The following CPNE9 variants were observed in gnomAD, a reference collection of about 807,000 sequenced individuals.
CPNE9 encodes copine family member 9.
A neutral mutation model predicts 83.0 loss-of-function variants in CPNE9; 59 were observed. That is an observed-to-expected ratio of 0.71 (90% CI 0.58 to 0.88). CPNE9 has a LOEUF of 0.88. Among genes scored for constraint, CPNE9 ranks in the 40% least tolerant of loss-of-function variants. The pLI is 0.00. For missense variants in CPNE9, 619 were observed against 720.8 expected (o/e 0.86, Z 1.62); for synonymous variants, 256 against 273.4 (o/e 0.94, Z 0.63).
rs968525098 is a variant in CPNE9, at chr3:9,715,193, A to G, written c.693-96A>G. The G allele has an allele frequency of 5.1e-6, 7 of 1,368,766 alleles. No homozygotes were observed. The Admixed American group carries it at 1.1e-4, about 21-fold the overall frequency. The allele number at this position is 1,368,766 out of a possible 1,614,324, so 84.8% of individuals were successfully genotyped here. The stretch of plus-strand genomic sequence containing the variant: ...CCAGCACTAGGCTGCCCTGCAGCCT[A>G]AGTAGGGGCTTAGGATAGGAGGAAT... On this transcript the variant is annotated intron_variant, in intron 11 of 20. Transcript: ENST00000383832.
intron 7 of CPNE9, among the ~76,000 whole-genome samples, chr3:9,707,662 G>C (rs764998495): frequency 4.0e-5 from 6 of 151,376 alleles, no homozygotes; most frequent in Non-Finnish European, 5.9e-5. Flanking sequence ...GTGTGCACTT[G>C]TAGTCCCAGC....
chr3:9,709,189 T>A (rs1234147789), intron 7 of CPNE9, among the ~76,000 whole-genome samples: 16 of 143,210 alleles, frequency 1.1e-4, no homozygotes, highest in Admixed American at 8.4e-4. Context: ...GGCAGTAAAA[T>A]CGCCTGAACC....
In CPNE9 at chr3:9,715,737, GA is replaced by G. The variant is rs551221635; in HGVS notation, c.822+218del. Among the ~76,000 whole-genome samples the G allele has an allele frequency of 2.6e-5, 4 of 152,102 alleles. 1 individual carries two copies. In the East Asian group the frequency reaches 5.8e-4, roughly 22 times the overall value. On this transcript the variant is annotated intron_variant, in intron 13 of 20. Coordinates refer to ENST00000383832, the MANE Select transcript of CPNE9 (RefSeq NM_153635.3). The stretch of plus-strand genomic sequence containing the variant: ...GACTTCACTCTTTTGCAGAATAAAA[GA>G]AAAAAACCTAAGTTGTATTTCCCAA...
intron 7 of CPNE9, among the ~76,000 whole-genome samples, chr3:9,712,057 A>G (rs531462366): frequency 1.3e-5 from 2 of 152,266 alleles, no homozygotes; most frequent in South Asian, 4.1e-4. Flanking sequence ...TGCCCAATTC[A>G]TATCTATCAC....
In CPNE9 at chr3:9,716,053, C is replaced by A; in HGVS notation, c.884+18C>A. ...AAGGGAGGGTGAGTCACAGGCCAAG[C>A]TCTGGGCTGAAAGCCCGGCAATAAA... is the stretch of plus-strand genomic sequence containing the variant. On this transcript the variant is annotated intron_variant, in intron 14 of 20. Coordinates refer to ENST00000383832, the MANE Select transcript of CPNE9 (RefSeq NM_153635.3). 1 of 1,602,138 alleles carries A rather than the reference C, an allele frequency of 6.2e-7. No individual in the cohort carries two copies. Among genetic ancestry groups the A allele is most frequent in the Non-Finnish European group, 8.5e-7 (1 of 1,173,066 alleles).
intron 17 of CPNE9, among the ~76,000 whole-genome samples, chr3:9,721,400 CCT>C (rs1392684981): frequency 6.6e-6 from 1 of 152,118 alleles, no homozygotes; most frequent in Non-Finnish European, 1.5e-5. Flanking sequence ...ACATTGCATC[CCT>C]GTTTAATTTA....
chr3:9,711,496 C>T (rs1372172647), intron 7 of CPNE9, among the ~76,000 whole-genome samples: 4 of 152,124 alleles, frequency 2.6e-5, no homozygotes, highest in Non-Finnish European at 5.9e-5. Flanking sequence ...GGATTATAGG[C>T]GTGAGCCATC....
intron 17 of CPNE9, among the ~76,000 whole-genome samples, chr3:9,719,052 G>C (rs866065008): frequency 2.0e-4 from 31 of 151,546 alleles, no homozygotes; most frequent in Middle Eastern, 6.8e-3. Flanking sequence ...GGCCAGGCTG[G>C]TCTTGAACTC....
At chr3:9,716,557 G>A (rs970443503) in intron 14 of CPNE9, among the ~76,000 whole-genome samples, 9 of 151,700 alleles carry the variant, frequency 5.9e-5, no homozygotes, top group South Asian at 2.1e-4. Flanking sequence ...TGCAACCTCC[G>A]CCTCCCAGGT....
intron 7 of CPNE9, among the ~76,000 whole-genome samples, chr3:9,708,535 T>C (rs886664002): frequency 6.6e-6 from 1 of 152,214 alleles, no homozygotes; most frequent in Non-Finnish European, 1.5e-5. Flanking sequence ...AGATTGGGAA[T>C]TGGCCATTGC....
In CPNE9 at chr3:9,729,500, G is replaced by C; in HGVS notation, c.1477-7G>C. ...GGCTTATCTCTTCTTGTCTGTGCCT[G>C]ACCCAGTTCGTCCCATTCCGAGACT... On this transcript the variant is annotated splice_polypyrimidine_tract_variant and splice_region_variant and intron_variant, in intron 20 of 20. Coordinates refer to ENST00000383832, the MANE Select transcript of CPNE9 (RefSeq NM_153635.3). 1 of 1,608,120 alleles carries C rather than the reference G, an allele frequency of 6.2e-7. No homozygotes were observed. Among genetic ancestry groups the C allele is most frequent in the East Asian group, 2.2e-5 (1 of 44,718 alleles).
intron 7 of CPNE9, among the ~76,000 whole-genome samples, chr3:9,708,179 T>C (rs1445264176): frequency 6.6e-6 from 1 of 152,238 alleles, no homozygotes; most frequent in East Asian, 1.9e-4. Context: ...CTTGAACTCC[T>C]GACATCAAGT....
chr3:9,725,774 T>C (rs1039978561), intron 17 of CPNE9, among the ~76,000 whole-genome samples, 175 bp from the exon 18 acceptor site: 12 of 151,616 alleles, frequency 7.9e-5, no homozygotes, highest in Non-Finnish European at 1.5e-4. Flanking sequence ...TATGGATATA[T>C]ACACATATAT....
At chr3:9,707,791 C>CAAAA (rs57310594) in intron 7 of CPNE9, among the ~76,000 whole-genome samples, 7 of 49,672 alleles carry the variant, frequency 1.4e-4, no homozygotes, top group East Asian at 1.8e-3. Context: ...ACAAAAAAGA[C>CAAAA]AAAAAAAAAA....
Position 9,729,767 on chromosome 3 carries a change from T to C in CPNE9, c.*75T>C. The C allele has an allele frequency of 6.7e-7, 1 of 1,499,798 alleles. No homozygotes were observed. Among genetic ancestry groups the C allele is most frequent in the Non-Finnish European group, 8.9e-7 (1 of 1,119,978 alleles). 92.9% of individuals were successfully genotyped at this position (1,499,798 alleles called of 1,614,324 possible). On this transcript the variant is annotated 3_prime_UTR_variant, in exon 21 of 21. Transcript: ENST00000383832. Reference sequence around the variant, plus strand: ...GCTTCTGCTTTAAGCCAGAGGCACCTGGAACCCTGGACTTCACTGGGAGGG... The same window carrying C: ...GCTTCTGCTTTAAGCCAGAGGCACCCGGAACCCTGGACTTCACTGGGAGGG...
At position 9,712,780 on chromosome 3, in the gene CPNE9, G is replaced by A; in HGVS notation, c.497G>A (p.Gly166Glu). 1 of 1,614,126 alleles carries A rather than the reference G, an allele frequency of 6.2e-7. No homozygotes were observed. Among genetic ancestry groups the A allele is most frequent in the South Asian group, 1.1e-5 (1 of 91,080 alleles). Reference protein sequence around the residue: ...ANKLDKKDFFGKSDPFLVFYR... With the variant: ...ANKLDKKDFFEKSDPFLVFYR... ...AAGCTGGACAAGAAGGACTTCTTTG[G>A]GAAATCAGACCCCTTCCTTGTGTTC... The change falls in exon 9 of 21, where the codon GGG becomes GAG. Residue 166 changes from glycine (G) to glutamate (E), a missense_variant. Gly to Glu is a moderately conservative substitution (Grantham distance 98). This residue lies in a region of CPNE9 where 438 missense variants were observed against 562.9 expected (regional missense o/e 0.78). Transcript: ENST00000383832.
Position 9,718,511 on chromosome 3 carries a change from G to A in CPNE9, c.1150G>A (p.Glu384Lys), listed in dbSNP as rs777532331. ...TGAGGACCCCAACTGTGCGGGCATC[G>A]AGGGTGTGCTGGAGAGCTATTTCCA... is the stretch of plus-strand genomic sequence containing the variant. ...NDEDPNCAGI[E>K]GVLESYFQSL... is the part of the protein sequence containing the mutation. The change falls in exon 17 of 21, where the codon GAG becomes AAG. Residue 384 changes from glutamate (E) to lysine (K), a missense_variant. Around this residue, in one of 3 missense-constraint regions of CPNE9, gnomAD observed 438 missense variants for 562.9 expected, o/e 0.78. Transcript: ENST00000383832. The A allele has an allele frequency of 9.2e-5, 148 of 1,613,514 alleles. No homozygotes were observed. Among genetic ancestry groups the A allele is most frequent in the Non-Finnish European group, 1.2e-4 (141 of 1,179,976 alleles).
chr3:9,715,071 T>TA, intron 11 of CPNE9, 116 bp downstream of exon 11: 1 of 989,806 alleles, frequency 1.0e-6, no homozygotes, highest in Non-Finnish European at 1.6e-6. Flanking sequence ...AAGGTGATGA[T>TA]AAACACCAGT....
rs757026654 is a variant in CPNE9 at position 9,704,022 on chromosome 3, G to C, written c.26G>C (p.Arg9Pro). Residue 9 changes from arginine (R) to proline (P), a missense_variant, in exon 1 of 21, where the codon CGC becomes CCC. Transcript: ENST00000383832. The surrounding 1 kb of genome is among the most constrained non-coding windows in gnomAD (Gnocchi z 7.1). MSLGGASE[R>P]SVPATKIEIT... ...ATGTCTCTCGGCGGAGCCTCCGAGC[G>C]CAGCGTCCCGGCCACCAAGATTGAA... is the stretch of plus-strand genomic sequence containing the variant. 8 of 1,607,566 alleles carry C rather than the reference G, an allele frequency of 5.0e-6. No homozygotes were observed. In the Admixed American group the frequency reaches 1.3e-4, roughly 27 times the overall value.
Sources: gnomAD v4.1 joint callset for allele counts (sites outside exome capture counted in the v4.1 genomes callset) on GRCh38, gnomAD v4.1.1 for gene constraint, gnomAD v4.1.1 regional missense constraint, Gnocchi (gnomAD v3.1) non-coding constraint, MANE v1.5 for transcripts, NCBI Gene and HGNC (gene_info 2026-07-23, HGNC 2026-07-21) for gene names.